EYA1: variants seen among roughly 807,000 people sequenced by gnomAD.
EYA1 encodes protein phosphatase EYA1.
EYA1 carries 16 observed loss-of-function variants against 82.0 expected under a neutral mutation model. That is an observed-to-expected ratio of 0.20 (90% CI 0.13 to 0.30). The LOEUF is 0.30. Among genes scored for constraint, EYA1 ranks in the 10% least tolerant of loss-of-function variants. The pLI is 1.00. For synonymous variants in EYA1, 261 were observed against 264.4 expected (o/e 0.99, Z 0.12); for missense variants, 633 against 730.7 (o/e 0.87, Z 1.54).
Position 71,216,772 on chromosome 8 carries a change from C to T in EYA1, c.1280G>A (p.Gly427Asp), listed in dbSNP as rs752939522. 1 of 1,614,136 alleles carries T rather than the reference C, an allele frequency of 6.2e-7. No individual in the cohort carries two copies. The highest frequency in any genetic ancestry group is 1.7e-5 in the Admixed American group (1 of 60,014). Residue 427 changes from glycine (G) to aspartate (D), a missense_variant, in exon 14 of 18, where the codon GGT (glycine) becomes GAT (aspartate). Coordinates refer to ENST00000340726, the MANE Select transcript of EYA1 (RefSeq NM_000503.6). ...NLCLATGVRGGVDWMRKLAFR... is the reference protein window; with the variant it reads ...NLCLATGVRGDVDWMRKLAFR... Reference sequence around the variant, plus strand: ...GGCCAACTTTCTCATCCAGTCCACACCGCCCCGTACACCAGTTGCCAAACA... The same window carrying T: ...GGCCAACTTTCTCATCCAGTCCACATCGCCCCGTACACCAGTTGCCAAACA...
chr8:71,256,891 T>C (rs1271360520), intron 11 of EYA1, among the ~76,000 whole-genome samples: 2 of 151,766 alleles, frequency 1.3e-5, no homozygotes, highest in African/African-American at 4.8e-5. Context: ...CCCAGCTACA[T>C]GGGAGGCTGA....
intron 2 of EYA1, among the ~76,000 whole-genome samples, chr8:71,506,250 A>G (rs146773373): frequency 6.6e-6 from 1 of 152,360 alleles, no homozygotes; most frequent in African/African-American, 2.4e-5. Context: ...ATGATGAGAA[A>G]TGTCAAAGGC....
intron 1 of EYA1, among the ~76,000 whole-genome samples, chr8:71,359,576 TTAA>T (rs1397331879): frequency 8.5e-5 from 13 of 152,182 alleles, no homozygotes; most frequent in Non-Finnish European, 1.9e-4. Flanking sequence ...AGCCAAAAAG[TTAA>T]TAATGTTCTG....
At position 71,260,193 on chromosome 8, in the gene EYA1, AAAAC is replaced by A. The variant is rs151266225; in HGVS notation, c.1050+9543_1050+9546del. 1.9e-3 allele frequency among the ~76,000 whole-genome samples: 285 copies of A among 152,348 alleles called. 11 individuals carry two copies. In the East Asian group the frequency reaches 0.043, roughly 23 times the overall value. The stretch of plus-strand genomic sequence containing the variant: ...AATTGAAAACAAAAAATTTAACAGT[AAAAC>A]AAAATAAGTAAACACATAATATAAA... On this transcript the variant is annotated intron_variant, in intron 11 of 17. Coordinates refer to ENST00000340726, the MANE Select transcript of EYA1 (RefSeq NM_000503.6).
At chr8:71,546,427 G>C (rs1229010942) in intron 1 of EYA1, among the ~76,000 whole-genome samples, 1 of 152,100 alleles carries the variant, frequency 6.6e-6, no homozygotes, top group Non-Finnish European at 1.5e-5. Context: ...GACCAACATG[G>C]ACATCCTGCT....
intron 9 of EYA1, among the ~76,000 whole-genome samples, chr8:71,291,034 T>C (rs1270936314): frequency 6.6e-6 from 1 of 152,228 alleles, no homozygotes; most frequent in African/African-American, 2.4e-5. Flanking sequence ...AAGGCATCTG[T>C]GAAAATGAGC....
chr8:71,515,051 T>C (rs112651278), intron 2 of EYA1, among the ~76,000 whole-genome samples: 2 of 152,190 alleles, frequency 1.3e-5, no homozygotes, highest in South Asian at 2.1e-4. Context: ...TCCTTCCTGG[T>C]GGCAAGGTTG....
intron 9 of EYA1, among the ~76,000 whole-genome samples, chr8:71,276,511 G>A (rs1332948390): frequency 2.0e-5 from 3 of 152,100 alleles, no homozygotes; most frequent in Admixed American, 6.5e-5. Flanking sequence ...TGAATTAATG[G>A]TACCAGTAAC....
chr8:71,227,931 T>C (rs1355447363), intron 12 of EYA1, among the ~76,000 whole-genome samples: 1 of 152,170 alleles, frequency 6.6e-6, no homozygotes, highest in East Asian at 1.9e-4. Context: ...TGCTAGATAA[T>C]TTTCTAATAG....
intron 7 of EYA1, among the ~76,000 whole-genome samples, chr8:71,310,599 T>C (rs1821230641): frequency 6.6e-6 from 1 of 152,228 alleles, no homozygotes; most frequent in South Asian, 2.1e-4. Context: ...GATCTCATTC[T>C]TTTTGTATAG....
At chr8:71,472,389 TG>T (rs1387039480) in intron 2 of EYA1, among the ~76,000 whole-genome samples, 1 of 152,144 alleles carries the variant, frequency 6.6e-6, no homozygotes, top group South Asian at 2.1e-4. Context: ...TTTCCTTGAA[TG>T]GTGCCCCAAG....
chr8:71,534,730 C>A (rs960681375), intron 2 of EYA1, among the ~76,000 whole-genome samples: 2 of 151,998 alleles, frequency 1.3e-5, no homozygotes, highest in African/African-American at 2.4e-5. Flanking sequence ...GGGAGGGGAA[C>A]AACATGCACC....
At chr8:71,252,782 CAA>C (rs1446886832) in intron 11 of EYA1, among the ~76,000 whole-genome samples, 1 of 152,092 alleles carries the variant, frequency 6.6e-6, no homozygotes, top group Non-Finnish European at 1.5e-5. Context: ...AACTATTCTT[CAA>C]AAAAATCAAT....
chr8:71,260,606 C>T (rs1814980350), intron 11 of EYA1, among the ~76,000 whole-genome samples: 1 of 152,094 alleles, frequency 6.6e-6, no homozygotes, highest in African/African-American at 2.4e-5. Context: ...GAAGACAGTG[C>T]AACTATTTCA....
intron 9 of EYA1, among the ~76,000 whole-genome samples, chr8:71,298,643 A>C (rs1819847760): frequency 6.6e-6 from 1 of 152,196 alleles, no homozygotes; most frequent in South Asian, 2.1e-4. Context: ...ACTATCAGCA[A>C]GATATTACTT....
At chr8:71,272,649 A>G (rs1214526572) in intron 9 of EYA1, among the ~76,000 whole-genome samples, 1 of 152,214 alleles carries the variant, frequency 6.6e-6, no homozygotes, top group Non-Finnish European at 1.5e-5. Flanking sequence ...AGAGTCGGGC[A>G]GTGATTGTGG....
chr8:71,321,826 T>C lies in EYA1; in HGVS notation c.326A>G (p.Tyr109Cys), dbSNP rs1489979978. The change falls in exon 6 of 18, where the codon TAT becomes TGT. Residue 109 changes from tyrosine (Y) to cysteine (C), a missense_variant. By Grantham distance (194) the Tyr-to-Cys change is radical. Transcript: ENST00000340726. ...PTPSSQTMAA[Y>C]GQTQFTTGMQ... is the part of the protein sequence containing the mutation. ...TCCTGTGGTAAACTGTGTTTGCCCA[T>C]ATGCAGCCATAGTTTGTGAGGAAGG... 2 of 1,614,214 alleles carry C rather than the reference T, an allele frequency of 1.2e-6. No homozygotes were observed. Among genetic ancestry groups the C allele is most frequent in the East Asian group, 2.2e-5 (1 of 44,882 alleles).
chr8:71,392,445 ATC>A (rs1829333736), intron 2 of EYA1, among the ~76,000 whole-genome samples: 1 of 152,190 alleles, frequency 6.6e-6, no homozygotes, highest in African/African-American at 2.4e-5. Flanking sequence ...AAGTTGCTTC[ATC>A]AAGTTTTGCT....
At chr8:71,345,758 G>A (rs1825625263) in intron 3 of EYA1, among the ~76,000 whole-genome samples, 1 of 151,780 alleles carries the variant, frequency 6.6e-6, no homozygotes, top group South Asian at 2.1e-4. Flanking sequence ...TTCTCACCTG[G>A]GGTCCCTTCT....
Sources: allele counts gnomAD v4.1 joint callset (sites outside exome capture counted in the v4.1 genomes callset), GRCh38; gene constraint gnomAD v4.1.1; transcripts MANE v1.5; gene names NCBI Gene and HGNC (gene_info 2026-07-23, HGNC 2026-07-21).